SYN3: variants seen among roughly 807,000 people sequenced by gnomAD.
The protein encoded by SYN3 is synapsin III, also known as synapsin-3.
A neutral mutation model predicts 65.8 loss-of-function variants in SYN3; 35 were observed. The observed-to-expected ratio is 0.53, with a 90% CI of 0.41 to 0.70. The LOEUF (loss-of-function observed/expected upper bound fraction) is 0.70, where lower values mean the gene tolerates loss of function less well. Ranked by LOEUF, SYN3 falls within the 30% of genes least tolerant of loss-of-function variation. SYN3 has a pLI of 0.00. For missense variants in SYN3, 680 were observed against 749.0 expected, an observed-to-expected ratio of 0.91 and a Z score of 1.08; for synonymous variants, 270 against 292.9, an observed-to-expected ratio of 0.92 and a Z score of 0.80.
chr22:32,937,513 G>A (rs2050806025), intron 3 of SYN3, among the ~76,000 whole-genome samples: 2 of 152,100 alleles, frequency 1.3e-5, no homozygotes, highest in South Asian at 4.1e-4. Context: ...AGGCCAAGGG[G>A]GAAGCAAGCA....
chr22:32,798,249 G>C (rs890173398), intron 6 of SYN3, among the ~76,000 whole-genome samples: 1 of 152,074 alleles, frequency 6.6e-6, no homozygotes, highest in Non-Finnish European at 1.5e-5. Context: ...GCTGGGCACT[G>C]TACAAAGACT....
At chr22:32,826,000 T>C (rs1356493030) in intron 6 of SYN3, among the ~76,000 whole-genome samples, 2 of 152,236 alleles carry the variant, frequency 1.3e-5, no homozygotes, top group African/African-American at 4.8e-5. Flanking sequence ...GAAGGTAATA[T>C]AAATATAAAG....
chr22:32,802,400 T>G (rs973053950), intron 6 of SYN3, among the ~76,000 whole-genome samples: 9 of 151,766 alleles, frequency 5.9e-5, no homozygotes, highest in Admixed American at 5.9e-4. Flanking sequence ...CCTTTTGACA[T>G]CTGGAAAATG....
intron 1 of SYN3, among the ~76,000 whole-genome samples, chr22:33,026,698 T>TC (rs1251415902): frequency 6.6e-6 from 1 of 152,074 alleles, no homozygotes; most frequent in East Asian, 1.9e-4. Context: ...GAGGACCAAC[T>TC]CCCCAACTCC....
At chr22:33,014,325 C>G (rs1173943779) in intron 1 of SYN3, 1 of 152,288 alleles carries the variant, frequency 6.6e-6, no homozygotes, top group Middle Eastern at 3.4e-3. Context: ...ATCTTAGCTA[C>G]TGGGTATAAT....
intron 5 of SYN3, 57 bp from the exon 6 acceptor site, chr22:32,865,061 C>T (rs2048655031): frequency 1.4e-6 from 2 of 1,427,306 alleles, no homozygotes; most frequent in African/African-American, 1.4e-5. Context: ...ATAACAAAAC[C>T]TCCCACTTGA....
intron 4 of SYN3, among the ~76,000 whole-genome samples, chr22:32,886,600 T>C (rs928794495): frequency 3.3e-5 from 5 of 152,356 alleles, no homozygotes; most frequent in African/African-American, 9.6e-5. Context: ...CTTCGACATA[T>C]GTAACACTAA....
chr22:33,013,863 C>T (rs9621618), intron 1 of SYN3, among the ~76,000 whole-genome samples: 7,756 of 152,096 alleles, frequency 0.051, 213 homozygotes, highest in East Asian at 0.068. Flanking sequence ...GCATAATGTT[C>T]TTCAAGTTCA....
chr22:32,581,626 C>A (rs185018772), intron 7 of SYN3, among the ~76,000 whole-genome samples: 33 of 152,078 alleles, frequency 2.2e-4, no homozygotes, highest in Admixed American at 2.0e-3. Context: ...AAACTGGCTC[C>A]CTAAGATACC....
intron 3 of SYN3, among the ~76,000 whole-genome samples, chr22:32,950,861 A>T (rs1315230689): frequency 6.6e-6 from 1 of 152,102 alleles, no homozygotes; most frequent in Non-Finnish European, 1.5e-5. Flanking sequence ...CATCTTAGGA[A>T]CCTATAATGA....
chr22:32,528,467 A>G (rs1420356274), intron 11 of SYN3, among the ~76,000 whole-genome samples: 1 of 152,166 alleles, frequency 6.6e-6, no homozygotes, highest in African/African-American at 2.4e-5. Flanking sequence ...AATGGGAGAC[A>G]CAATAGCGTC....
At chr22:32,633,701 C>A (rs1275063914) in intron 6 of SYN3, among the ~76,000 whole-genome samples, 1 of 152,138 alleles carries the variant, frequency 6.6e-6, no homozygotes, top group Non-Finnish European at 1.5e-5. Flanking sequence ...CAGCTCCCTG[C>A]AGCCTCGACC....
intron 1 of SYN3, among the ~76,000 whole-genome samples, chr22:33,042,248 A>G (rs2053977602): frequency 6.6e-6 from 1 of 152,170 alleles, no homozygotes. Context: ...GTAGTTTATT[A>G]TAACAGCCCA....
At chr22:33,035,529 C>T (rs1033373903) in intron 1 of SYN3, among the ~76,000 whole-genome samples, 1 of 152,154 alleles carries the variant, frequency 6.6e-6, no homozygotes, top group African/African-American at 2.4e-5. Context: ...GGCTGCCCTC[C>T]CATAAACAAG....
At chr22:32,576,096 A>G (rs16990770) in intron 7 of SYN3, among the ~76,000 whole-genome samples, 2,159 of 152,278 alleles carry the variant, frequency 0.014, 44 homozygotes, top group African/African-American at 0.05. Context: ...CGGAAATAAA[A>G]TGAAGCAATG....
At chr22:32,616,323 G>A (rs1325781503) in intron 6 of SYN3, among the ~76,000 whole-genome samples, 3 of 152,178 alleles carry the variant, frequency 2.0e-5, no homozygotes, top group African/African-American at 7.2e-5. Flanking sequence ...CTGACAGAGG[G>A]GAAAACGACC....
At chr22:32,712,783 T>C (rs1005533996) in intron 6 of SYN3, among the ~76,000 whole-genome samples, 3 of 152,182 alleles carry the variant, frequency 2.0e-5, no homozygotes. Context: ...GTCAAGAAGC[T>C]CTGTCTGTCT....
At chr22:32,942,309 C>T (rs951462194) in intron 3 of SYN3, among the ~76,000 whole-genome samples, 2 of 152,224 alleles carry the variant, frequency 1.3e-5, no homozygotes, top group African/African-American at 4.8e-5. Context: ...GTTCTGCAGC[C>T]TCTGCTGCTG....
At chr22:32,588,057 A>G (rs1157885935) in intron 7 of SYN3, among the ~76,000 whole-genome samples, 2 of 152,170 alleles carry the variant, frequency 1.3e-5, no homozygotes, top group Non-Finnish European at 2.9e-5. Flanking sequence ...ACATATATAC[A>G]TATAGCACTG....
Sources: gnomAD v4.1 joint callset for allele counts (sites outside exome capture counted in the v4.1 genomes callset) on GRCh38, gnomAD v4.1.1 for gene constraint, MANE v1.5 for transcripts, NCBI Gene and HGNC (gene_info 2026-07-23, HGNC 2026-07-21) for gene names.